TPTE: variants seen among roughly 807,000 people sequenced by gnomAD.
TPTE encodes the protein transmembrane phosphatase with tensin homology.
TPTE carries 59 observed loss-of-function variants against 84.1 expected under a neutral mutation model. That is an observed-to-expected ratio of 0.70 (90% CI 0.57 to 0.87). The LOEUF (loss-of-function observed/expected upper bound fraction) is 0.87, where lower values mean the gene tolerates loss of function less well. Among genes scored for constraint, TPTE ranks in the 40% least tolerant of loss-of-function variants. The probability of loss-of-function intolerance (pLI) is 0.00; values close to 1 mark genes in which losing one functional copy is unlikely to be tolerated. For synonymous variants in TPTE, 130 were observed against 223.5 expected, an observed-to-expected ratio of 0.58 and a Z score of 3.73; for missense variants, 382 against 659.6, an observed-to-expected ratio of 0.58 and a Z score of 4.61.
chr21:10,602,156 T>G lies in TPTE; in HGVS notation c.1449+6T>G. 6.2e-7 allele frequency: 1 copy of G among 1,608,430 alleles called. No individual in the cohort carries two copies. Among genetic ancestry groups the G allele is most frequent in the Non-Finnish European group, 8.5e-7 (1 of 1,174,860 alleles). ...AAGTGCAGTTTTTCTATTCGGTGAG[T>G]AATCACAAAGTAGCCTCTGCCATTG... On this transcript the variant is annotated splice_donor_region_variant and intron_variant, in intron 22 of 23. Transcript: ENST00000618007.
chr21:10,563,842 A>G (rs568475092), intron 10 of TPTE, among the ~76,000 whole-genome samples: 1 of 152,426 alleles, frequency 6.6e-6, no homozygotes, highest in Admixed American at 6.5e-5. Flanking sequence ...ATCAAAAGAT[A>G]GAGTGGATGA....
intron 10 of TPTE, among the ~76,000 whole-genome samples, chr21:10,567,253 T>C (rs1170736100): frequency 5.9e-5 from 9 of 152,266 alleles, no homozygotes; most frequent in Non-Finnish European, 1.2e-4. Context: ...CGCCTACTAT[T>C]TGATAGCACA....
chr21:10,588,921 T>G (rs1474543512), intron 17 of TPTE, among the ~76,000 whole-genome samples: 1 of 152,306 alleles, frequency 6.6e-6, no homozygotes, highest in African/African-American at 2.4e-5. Flanking sequence ...TGTAGAAGTT[T>G]CTTTTTGTTG....
At chr21:10,525,971 ATGT>A (rs1177241960) in intron 2 of TPTE, among the ~76,000 whole-genome samples, 1 of 152,288 alleles carries the variant, frequency 6.6e-6, no homozygotes, top group East Asian at 1.9e-4. Context: ...TCAGTAGAGG[ATGT>A]CTGAAAAATC....
At chr21:10,560,100 T>C (rs1243419743) in intron 9 of TPTE, among the ~76,000 whole-genome samples, 2 of 152,308 alleles carry the variant, frequency 1.3e-5, no homozygotes, top group East Asian at 3.8e-4. Flanking sequence ...TGCAAATAAA[T>C]GGCTTTTGCC....
chr21:10,587,584 T>C (rs544557131), intron 17 of TPTE, among the ~76,000 whole-genome samples: 3 of 152,412 alleles, frequency 2.0e-5, no homozygotes, highest in East Asian at 3.9e-4. Flanking sequence ...AGTTTCGCTC[T>C]TGTTGCCCAT....
At chr21:10,559,410 T>G (rs2074748385) in intron 8 of TPTE, 84 bp from the exon 9 acceptor site, 1 of 1,572,330 alleles carries the variant, frequency 6.4e-7, no homozygotes, top group East Asian at 2.3e-5. Flanking sequence ...GAAATTATAT[T>G]TATAAGGGCC....
chr21:10,580,110 G>A (rs1600945990), intron 17 of TPTE, among the ~76,000 whole-genome samples: 1 of 152,302 alleles, frequency 6.6e-6, no homozygotes, highest in African/African-American at 2.4e-5. Flanking sequence ...GATTAATGAT[G>A]TTTAGCATTT....
intron 17 of TPTE, among the ~76,000 whole-genome samples, chr21:10,581,366 T>TAAGGAAGGAAGGAA (rs2075268279): frequency 6.6e-6 from 1 of 152,308 alleles, no homozygotes; most frequent in South Asian, 2.1e-4. Flanking sequence ...AATTCCTTGC[T>TAAGGAAGGAAGGAA]TGAAGGAAAA....
chr21:10,589,430 T>G (rs2145768089), intron 17 of TPTE, among the ~76,000 whole-genome samples: 1 of 152,426 alleles, frequency 6.6e-6, no homozygotes, highest in South Asian at 2.1e-4. Context: ...CCCCAGGCAA[T>G]GGGCTGAAAT....
Position 10,543,398 on chromosome 21 carries a change from A to C in TPTE, c.173+16A>C, listed in dbSNP as rs1270130244. ...TCAGTGAAAGGTGAGTTATAAATAC[A>C]TGAAGACACACGTATGCATAAGAGT... On this transcript the variant is annotated intron_variant, in intron 7 of 23. Transcript: ENST00000618007. 2 of 1,614,090 alleles carry C rather than the reference A, an allele frequency of 1.2e-6. No individual in the cohort carries two copies. The highest frequency in any genetic ancestry group is 3.3e-5 in the Admixed American group (2 of 60,030).
chr21:10,533,130 G>A (rs1368156444), intron 3 of TPTE, among the ~76,000 whole-genome samples: 1 of 152,298 alleles, frequency 6.6e-6, no homozygotes, highest in East Asian at 1.9e-4. Context: ...TTCTTCTTTA[G>A]TATGTTCTCT....
At chr21:10,575,539 C>T (rs1230019207) in intron 14 of TPTE, among the ~76,000 whole-genome samples, 2 of 152,304 alleles carry the variant, frequency 1.3e-5, no homozygotes, top group East Asian at 1.9e-4. Context: ...TGGATGGGTC[C>T]CTGATCCCAT....
chr21:10,546,667 A>G, intron 7 of TPTE, among the ~76,000 whole-genome samples: 1 of 152,428 alleles, frequency 6.6e-6, no homozygotes, highest in East Asian at 1.9e-4. Flanking sequence ...GATTGCTAAT[A>G]TGGAGAATGT....
intron 2 of TPTE, among the ~76,000 whole-genome samples, chr21:10,526,724 A>AATAT (rs1225356480): frequency 2.4e-4 from 37 of 152,250 alleles, no homozygotes; most frequent in Non-Finnish European, 1.0e-4. Context: ...TTTATGGCAT[A>AATAT]ATATATGGTG....
intron 11 of TPTE, among the ~76,000 whole-genome samples, chr21:10,568,055 T>C (rs2074963515): frequency 6.6e-6 from 1 of 152,310 alleles, no homozygotes; most frequent in South Asian, 2.1e-4. Flanking sequence ...TTTACTCTTG[T>C]ACTAACTTTA....
At chr21:10,586,779 C>T (rs2075374718) in intron 17 of TPTE, among the ~76,000 whole-genome samples, 1 of 152,304 alleles carries the variant, frequency 6.6e-6, no homozygotes, top group Non-Finnish European at 1.5e-5. Flanking sequence ...TAGAAATCTT[C>T]CTAAAATCTC....
At chr21:10,536,950 A>G (rs976337866) in intron 3 of TPTE, among the ~76,000 whole-genome samples, 1 of 152,308 alleles carries the variant, frequency 6.6e-6, no homozygotes, top group Non-Finnish European at 1.5e-5. Context: ...AAACAGAGCT[A>G]ATGGCCCTGG....
chr21:10,566,258 A>C (rs1373526912), intron 10 of TPTE, among the ~76,000 whole-genome samples: 1 of 152,312 alleles, frequency 6.6e-6, no homozygotes, highest in Non-Finnish European at 1.5e-5. Flanking sequence ...GAGATGCTTG[A>C]CATGATTGAT....
Sources: allele counts gnomAD v4.1 joint callset (sites outside exome capture counted in the v4.1 genomes callset), GRCh38; gene constraint gnomAD v4.1.1; transcripts MANE v1.5; gene names NCBI Gene and HGNC (gene_info 2026-07-23, HGNC 2026-07-21).